The following RNPEP variants were observed in gnomAD, a reference collection of about 807,000 sequenced individuals.
The protein encoded by RNPEP is arginyl aminopeptidase.
Under a neutral mutation model 70.1 loss-of-function variants are expected in RNPEP, and 57 were observed. That is an observed-to-expected ratio of 0.81 (90% confidence interval 0.66 to 1.01). The LOEUF (loss-of-function observed/expected upper bound fraction) is 1.01. Ranked by LOEUF, RNPEP falls within the 50% of genes least tolerant of loss-of-function variation. RNPEP has a pLI of 0.00. For missense variants in RNPEP, 787 were observed against 852.4 expected, an observed-to-expected ratio of 0.92 and a Z score of 0.96; for synonymous variants, 335 against 357.4, an observed-to-expected ratio of 0.94 and a Z score of 0.71.
Position 202,005,779 on chromosome 1 carries a change from C to A in RNPEP, c.*63C>A. 6.4e-7 allele frequency: 1 copy of A among 1,571,726 alleles called. No individual in the cohort carries two copies. The highest frequency in any genetic ancestry group is 1.1e-5 in the South Asian group (1 of 89,830). On this transcript the variant is annotated 3_prime_UTR_variant, in exon 11 of 11. Coordinates refer to ENST00000295640, the MANE Select transcript of RNPEP (RefSeq NM_020216.4). ...CAGGCTTTCAGAATAATTGTTTGTT[C>A]CCAAATTCCTGTTCCCTGATCAACT...
At chr1:201,998,194 T>C (rs1020391906) in intron 5 of RNPEP, among the ~76,000 whole-genome samples, 1 of 151,676 alleles carries the variant, frequency 6.6e-6, no homozygotes, top group East Asian at 1.9e-4. Context: ...ATTTCAACAA[T>C]GATAAATTCT....
intron 1 of RNPEP, among the ~76,000 whole-genome samples, chr1:201,986,403 C>T (rs1386092738): frequency 6.6e-6 from 1 of 150,750 alleles, no homozygotes. Flanking sequence ...CCAACCTTGA[C>T]AGTTTTGAGG....
At chr1:201,992,707 A>G (rs1388481625) in intron 3 of RNPEP, among the ~76,000 whole-genome samples, 1 of 152,148 alleles carries the variant, frequency 6.6e-6, no homozygotes, top group African/African-American at 2.4e-5. Flanking sequence ...TCCCGCTGCT[A>G]TAATGTCCCA....
At chr1:201,997,706 C>G in intron 5 of RNPEP, 152 bp downstream of exon 5, 1 of 537,590 alleles carries the variant, frequency 1.9e-6, no homozygotes, top group Admixed American at 3.4e-5. Flanking sequence ...TATGAATTGT[C>G]AAACCACACA....
intron 3 of RNPEP, among the ~76,000 whole-genome samples, chr1:201,991,566 C>T (rs756040615): frequency 3.9e-5 from 6 of 152,196 alleles, no homozygotes; most frequent in Non-Finnish European, 8.8e-5. Context: ...TACACAGACT[C>T]CATGAGGATG....
intron 6 of RNPEP, 77 bp downstream of exon 6, chr1:202,000,092 T>C: frequency 1.9e-6 from 2 of 1,036,800 alleles, no homozygotes; most frequent in Admixed American, 2.0e-5. Context: ...AACTTCATGT[T>C]GATCAGTGCA....
intron 7 of RNPEP, 84 bp from the exon 8 acceptor site, chr1:202,001,575 G>A: frequency 7.0e-7 from 1 of 1,431,232 alleles, no homozygotes; most frequent in Non-Finnish European, 9.9e-7. Flanking sequence ...AAAGATGTAA[G>A]GGGTTGGAGG....
chr1:202,005,536 T>C (rs1395053423), intron 10 of RNPEP, 22 bp from the exon 11 acceptor site: 3 of 1,611,652 alleles, frequency 1.9e-6, no homozygotes, highest in Non-Finnish European at 2.5e-6. Flanking sequence ...TTCTTAGGCA[T>C]GTGTATGTGT....
At chr1:201,985,104 G>T (rs538110075) in intron 1 of RNPEP, among the ~76,000 whole-genome samples, 9 of 151,396 alleles carry the variant, frequency 5.9e-5, no homozygotes, top group African/African-American at 1.9e-4. Context: ...GAGGCAGGAG[G>T]ATCGCTTGAA....
chr1:201,996,269 G>A lies in RNPEP; in HGVS notation c.854+6G>A. Reference sequence around the variant, plus strand: ...GGACCTTATGTTTGGGGAAGGTGTGGTATCACATTGACTCTAGTGTCTCCT... The same window carrying A: ...GGACCTTATGTTTGGGGAAGGTGTGATATCACATTGACTCTAGTGTCTCCT... On this transcript the variant is annotated splice_donor_region_variant and intron_variant, in intron 4 of 10. Coordinates refer to ENST00000295640, the MANE Select transcript of RNPEP (RefSeq NM_020216.4). 1 of 1,566,508 alleles carries A rather than the reference G, an allele frequency of 6.4e-7. No homozygotes were observed. The highest frequency in any genetic ancestry group is 1.1e-5 in the South Asian group (1 of 90,138).
rs1249318359 is a variant in RNPEP at position 202,005,574 on chromosome 1, C to T, written c.1811C>T (p.Thr604Ile). The T allele has an allele frequency of 6.2e-7, 1 of 1,614,206 alleles. No homozygotes were observed. The highest frequency in any genetic ancestry group is 8.5e-7 in the Non-Finnish European group (1 of 1,180,038). The change falls in exon 11 of 11, where the codon ACA becomes ATA. Residue 604 changes from threonine (T) to isoleucine (I), a missense_variant. Thr to Ile is a moderately conservative substitution (Grantham distance 89, BLOSUM62 -1). Coordinates refer to ENST00000295640, the MANE Select transcript of RNPEP (RefSeq NM_020216.4). ...FLHNQGKQKY[T>I]LPLYHAMMGG... ...TTCTTGCAGGGGAAGCAGAAGTATA[C>T]ACTTCCGCTGTACCACGCAATGATG...
intron 1 of RNPEP, 138 bp downstream of exon 1, chr1:201,983,251 C>A (rs1345260061): frequency 7.0e-7 from 1 of 1,429,320 alleles, no homozygotes; most frequent in South Asian, 1.5e-5. Context: ...GCCTACTCCC[C>A]GCGCGCCGCC....
rs143340279 is a variant in RNPEP, at chr1:201,999,909, G to A, written c.1098G>A (p.Ala366=). 7.8e-5 allele frequency: 126 copies of A among 1,613,444 alleles called. No individual in the cohort carries two copies. In the South Asian group the frequency reaches 9.8e-4, roughly 13 times the overall value. The change falls in exon 6 of 11, where the codon GCG becomes GCA. Residue 366 remains alanine, a synonymous_variant. Transcript: ENST00000295640. ...CGTTTGATTCTGCACCAGGCGCTGCGTACACCTGCTTGGAGGCTGCAACGG... is the reference window on the plus strand; with the variant it reads ...CGTTTGATTCTGCACCAGGCGCTGCATACACCTGCTTGGAGGCTGCAACGG... ...RRISTILFGA[A]YTCLEAATGR...
Position 201,997,535 on chromosome 1 carries a change from G to T in RNPEP, c.1071G>T (p.Arg357Ser), listed in dbSNP as rs1310603327. ...GTTTCACCATGTACGCCCAGAGGAGGATCTCCACCATCCTCTTTGGTAAAG... is the reference window on the plus strand; with the variant it reads ...GTTTCACCATGTACGCCCAGAGGAGTATCTCCACCATCCTCTTTGGTAAAG... ...NEGFTMYAQR[R>S]ISTILFGAAY... Residue 357 changes from arginine (R) to serine (S), a missense_variant, in exon 5 of 11, where the codon AGG (arginine) becomes AGT (serine). Physicochemically the swap from Arg to Ser is moderately radical, Grantham distance 110. Coordinates refer to ENST00000295640, the MANE Select transcript of RNPEP (RefSeq NM_020216.4). The T allele has an allele frequency of 6.2e-7, 1 of 1,613,748 alleles. No individual in the cohort carries two copies. The highest frequency in any genetic ancestry group is 8.5e-7 in the Non-Finnish European group (1 of 1,179,702).
intron 9 of RNPEP, among the ~76,000 whole-genome samples, chr1:202,003,700 C>T (rs895887277): frequency 2.6e-5 from 4 of 152,166 alleles, no homozygotes; most frequent in Non-Finnish European, 4.4e-5. Context: ...GTTCTACTTA[C>T]AAGCACCTCA....
chr1:201,996,824 C>A (rs142378759), intron 4 of RNPEP, among the ~76,000 whole-genome samples: 1 of 152,080 alleles, frequency 6.6e-6, no homozygotes, highest in Non-Finnish European at 1.5e-5. Flanking sequence ...CAAAATGTGA[C>A]CTGCAGTTGC....
At chr1:202,002,324 C>T (rs1334373249) in intron 8 of RNPEP, among the ~76,000 whole-genome samples, 7 of 152,084 alleles carry the variant, frequency 4.6e-5, no homozygotes, top group East Asian at 1.9e-4. Context: ...CCACCACGCC[C>T]GGCTATTTTG....
At chr1:201,986,536 C>CTTTCTTTTTTTTTTTTTTTT (rs1553303391) in intron 1 of RNPEP, among the ~76,000 whole-genome samples, 3 of 80,600 alleles carry the variant, frequency 3.7e-5, no homozygotes, top group African/African-American at 9.6e-5. Context: ...CATTTTCTTT[C>CTTTCTTTTTTTTTTTTTTTT]TTTTTTTTTT....
chr1:202,003,487 T>C (rs1683919948), intron 9 of RNPEP, 26 bp downstream of exon 9: 1 of 1,509,918 alleles, frequency 6.6e-7, no homozygotes, highest in Admixed American at 1.7e-5. Context: ...GAACCAGGGC[T>C]CCTTGTGTGC....
Sources: allele counts gnomAD v4.1 joint callset (sites outside exome capture counted in the v4.1 genomes callset), GRCh38; gene constraint gnomAD v4.1.1; transcripts MANE v1.5; gene names NCBI Gene and HGNC (gene_info 2026-07-23, HGNC 2026-07-21).